SPTLC1: variants seen among roughly 807,000 people sequenced by gnomAD.
SPTLC1 encodes the protein serine palmitoyltransferase 1.
In SPTLC1, 55 loss-of-function variants were observed where a neutral mutation model predicts 68.9. The observed-to-expected ratio is 0.80, with a 90% confidence interval of 0.64 to 1.00. The LOEUF is 1.00. Among genes scored for constraint, SPTLC1 ranks in the 50% least tolerant of loss-of-function variants. The pLI, the probability that SPTLC1 is intolerant of heterozygous loss-of-function variation, is 0.00. For synonymous variants in SPTLC1, 197 were observed against 201.6 expected, an observed-to-expected ratio of 0.98 and a Z score of 0.19; for missense variants, 449 against 573.1, an observed-to-expected ratio of 0.78 and a Z score of 2.21.
chr9:92,115,134 T>A, intron 1 of SPTLC1, 180 bp downstream of exon 1: 1 of 290,740 alleles, frequency 3.4e-6, no homozygotes, highest in Admixed American at 4.3e-5. Flanking sequence ...CCCCCGCCCG[T>A]TCCTCCCTAC....
rs1834935146 is a variant in SPTLC1, at chr9:92,082,741, T to C, written c.261-1778A>G. Among the ~76,000 whole-genome samples, 5 of 152,034 alleles carry C rather than the reference T, an allele frequency of 3.3e-5. No individual in the cohort carries two copies. The South Asian group carries it at 1.0e-3, about 32-fold the overall frequency. ...TTATAGCAGCATGATTTATACTCAT[T>C]TGGGTATATACCCAGTAATGGGATG... is the stretch of plus-strand genomic sequence containing the variant. On this transcript the variant is annotated intron_variant, in intron 3 of 14. Transcript: ENST00000262554.
At chr9:92,078,931 CTG>C (rs748677756) in intron 5 of SPTLC1, 1 of 471,820 alleles carries the variant, frequency 2.1e-6, no homozygotes. Context: ...AAAAACTTAA[CTG>C]TTAAAGTAAA....
At chr9:92,080,794 C>G (rs1363908955) in intron 4 of SPTLC1, 76 bp downstream of exon 4, 9 of 1,232,244 alleles carry the variant, frequency 7.3e-6, no homozygotes, top group African/African-American at 3.0e-5. Flanking sequence ...CCACGCCCAG[C>G]CTGCCTTTGT....
intron 14 of SPTLC1, among the ~76,000 whole-genome samples, chr9:92,034,530 T>C (rs1033250883): frequency 1.3e-5 from 2 of 152,140 alleles, no homozygotes; most frequent in Non-Finnish European, 2.9e-5. Context: ...ATGTGGCAGA[T>C]ATGAGCTGAT....
At chr9:92,045,523 GTAAAAAA>G (rs1202538456) in intron 12 of SPTLC1, among the ~76,000 whole-genome samples, 2 of 16,770 alleles carry the variant, frequency 1.2e-4, no homozygotes, top group Non-Finnish European at 1.9e-4. Flanking sequence ...CTCTTGTGTA[GTAAAAAA>G]AAAAAAAAAA....
At chr9:92,105,453 C>T in intron 3 of SPTLC1, 1 of 1,257,698 alleles carries the variant, frequency 8.0e-7, no homozygotes, top group East Asian at 2.5e-5. Context: ...CGCCTGTAAT[C>T]CAGCACTTTG....
chr9:92,062,450 G>C (rs555023049), intron 6 of SPTLC1, among the ~76,000 whole-genome samples: 18 of 152,062 alleles, frequency 1.2e-4, no homozygotes, highest in South Asian at 2.1e-4. Flanking sequence ...AGAAGAACTA[G>C]ACAGAAAATC....
Position 92,031,439 on chromosome 9 carries a change from C to A in SPTLC1, c.*1026G>T, listed in dbSNP as rs904599547. The A allele has an allele frequency of 1.3e-5, 2 of 152,122 alleles. No individual in the cohort carries two copies. The highest frequency in any genetic ancestry group is 6.5e-5 in the Admixed American group (1 of 15,278). 9.4% of individuals were successfully genotyped at this position (152,122 alleles called of 1,614,324 possible). On this transcript the variant is annotated 3_prime_UTR_variant, in exon 15 of 15. Coordinates refer to ENST00000262554, the MANE Select transcript of SPTLC1 (RefSeq NM_006415.4). Reference sequence around the variant, plus strand: ...GCTATATTGTGGCACGTATAACAAACCTTTACACCACATAACCTGGTTTGC... The same window carrying A: ...GCTATATTGTGGCACGTATAACAAAACTTTACACCACATAACCTGGTTTGC...
chr9:92,082,734 T>C (rs1834934677), intron 3 of SPTLC1, among the ~76,000 whole-genome samples: 1 of 152,104 alleles, frequency 6.6e-6, no homozygotes, highest in Admixed American at 6.5e-5. Flanking sequence ...GCATGATTTA[T>C]ACTCATTTGG....
intron 3 of SPTLC1, among the ~76,000 whole-genome samples, chr9:92,099,567 C>T (rs1231958082): frequency 6.6e-6 from 1 of 151,712 alleles, no homozygotes; most frequent in African/African-American, 2.4e-5. Flanking sequence ...GCAACCTCCA[C>T]CTCCCAGGCT....
chr9:92,099,915 T>C (rs980181404), intron 3 of SPTLC1, among the ~76,000 whole-genome samples: 2 of 152,218 alleles, frequency 1.3e-5, no homozygotes, highest in African/African-American at 2.4e-5. Context: ...CCATATAGTC[T>C]AGGTGCGTAC....
chr9:92,098,439 T>C (rs1392874956), intron 3 of SPTLC1, among the ~76,000 whole-genome samples: 2 of 152,124 alleles, frequency 1.3e-5, no homozygotes, highest in Non-Finnish European at 2.9e-5. Flanking sequence ...CCTCTTTGTC[T>C]CGCCCCTCAG....
chr9:92,073,257 A>T (rs545347058), intron 5 of SPTLC1, among the ~76,000 whole-genome samples: 1 of 152,358 alleles, frequency 6.6e-6, no homozygotes, highest in African/African-American at 2.4e-5. Flanking sequence ...TCCAATACTT[A>T]ACACAGTCCT....
chr9:92,043,360 C>T (rs566338931), intron 12 of SPTLC1, among the ~76,000 whole-genome samples: 1 of 152,272 alleles, frequency 6.6e-6, no homozygotes, highest in South Asian at 2.1e-4. Flanking sequence ...ATATAATATC[C>T]ATACCCCAAG....
At chr9:92,039,980 T>C (rs1344296980) in intron 12 of SPTLC1, among the ~76,000 whole-genome samples, 2 of 152,248 alleles carry the variant, frequency 1.3e-5, no homozygotes, top group East Asian at 1.9e-4. Context: ...AGCAATACAC[T>C]TTGAAAACCC....
Position 92,059,310 on chromosome 9 carries a change from T to C in SPTLC1, c.561-2A>G. The C allele has an allele frequency of 6.2e-7, 1 of 1,613,112 alleles. No homozygotes were observed. On this transcript the variant is annotated splice_acceptor_variant, in intron 6 of 14. Coordinates refer to ENST00000262554, the MANE Select transcript of SPTLC1 (RefSeq NM_006415.4). LOFTEE classifies it high-confidence loss of function. ...ATAGCAAAGCAGGCAGCTCTATCTC[T>C]GCAAGGAAAAGAGATCCACCAAATT...
intron 13 of SPTLC1, among the ~76,000 whole-genome samples, chr9:92,037,922 G>A (rs1833201508): frequency 6.6e-6 from 1 of 152,138 alleles, no homozygotes; most frequent in African/African-American, 2.4e-5. Context: ...TTTGTAAAAT[G>A]GTGAGCAAGT....
chr9:92,034,540 T>G (rs1181676729), intron 14 of SPTLC1, among the ~76,000 whole-genome samples: 1 of 152,186 alleles, frequency 6.6e-6, no homozygotes, highest in East Asian at 1.9e-4. Context: ...TATGAGCTGA[T>G]GGAAACTCAG....
rs2118447361 is a variant in SPTLC1 at position 92,047,160 on chromosome 9, A to G, written c.1081+12T>C. 6.2e-7 allele frequency: 1 copy of G among 1,603,754 alleles called. No individual in the cohort carries two copies. Among genetic ancestry groups the G allele is most frequent in the Non-Finnish European group, 8.5e-7 (1 of 1,171,342 alleles). On this transcript the variant is annotated intron_variant, in intron 11 of 14. Transcript: ENST00000262554. ...AATCTCTTTGATTCCTTGGGTTTTTAAAGGGTTATACCTGGATTCTCTTCC... is the reference window on the plus strand; with the variant it reads ...AATCTCTTTGATTCCTTGGGTTTTTGAAGGGTTATACCTGGATTCTCTTCC...
Sources: allele counts gnomAD v4.1 joint callset (sites outside exome capture counted in the v4.1 genomes callset), GRCh38; gene constraint gnomAD v4.1.1; transcripts MANE v1.5; gene names NCBI Gene and HGNC (gene_info 2026-07-23, HGNC 2026-07-21).